The following SLIT3 variants were observed in gnomAD, a reference collection of about 807,000 sequenced individuals.
SLIT3 encodes slit homolog 3 protein.
A neutral mutation model predicts 184.0 loss-of-function variants in SLIT3; 68 were observed. The ratio of observed to expected loss-of-function variants is 0.37; its 90% CI spans 0.30 to 0.45. The LOEUF (loss-of-function observed/expected upper bound fraction) is 0.45, where lower values mean the gene tolerates loss of function less well. SLIT3 is among the 20% of genes least tolerant of loss of function. The probability of loss-of-function intolerance (pLI) is 1.00; values close to 1 mark genes in which losing one functional copy is unlikely to be tolerated. For synonymous variants in SLIT3, 831 were observed against 828.6 expected (o/e 1.00, Z -0.05); for missense variants, 1,707 against 2,026.0 (o/e 0.84, Z 3.02).
chr5:168,903,613 G>A (rs570324103), intron 4 of SLIT3, among the ~76,000 whole-genome samples: 3 of 152,114 alleles, frequency 2.0e-5, no homozygotes, highest in Admixed American at 6.5e-5. Flanking sequence ...GGGGCAGCAG[G>A]GTCTTCAGGA....
intron 35 of SLIT3, 174 bp from the exon 36 acceptor site, chr5:168,666,863 C>G: frequency 2.9e-6 from 3 of 1,042,730 alleles, no homozygotes; most frequent in Non-Finnish European, 4.3e-6. Flanking sequence ...CAAACAGGTG[C>G]CTTTCCTGTA....
chr5:169,179,468 C>A (rs920084303), intron 4 of SLIT3, among the ~76,000 whole-genome samples: 3 of 152,092 alleles, frequency 2.0e-5, no homozygotes, highest in African/African-American at 7.2e-5. Context: ...TTCACTGTAT[C>A]ACAGAATATT....
intron 1 of SLIT3, among the ~76,000 whole-genome samples, chr5:169,271,012 G>T (rs1766588445): frequency 6.6e-6 from 1 of 152,122 alleles, no homozygotes; most frequent in Non-Finnish European, 1.5e-5. Context: ...TGCCAGTATT[G>T]CTGCTCACAC....
At chr5:169,203,709 T>C (rs1423615985) in intron 3 of SLIT3, among the ~76,000 whole-genome samples, 1 of 152,144 alleles carries the variant, frequency 6.6e-6, no homozygotes, top group Non-Finnish European at 1.5e-5. Flanking sequence ...GTAGTCAAAT[T>C]CTATAAATAA....
rs1256123107 is a variant in SLIT3 at position 169,156,971 on chromosome 5, T to G, written c.413+36508A>C. Reference sequence around the variant, plus strand: ...ATATATCTCCAACCTGGCAGCTTAGTAAACAGAAAACTTGAAGACAATAAT... The same window carrying G: ...ATATATCTCCAACCTGGCAGCTTAGGAAACAGAAAACTTGAAGACAATAAT... On this transcript the variant is annotated intron_variant, in intron 4 of 35. Transcript: ENST00000519560. Among the ~76,000 whole-genome samples, 4 of 152,158 alleles carry G rather than the reference T, an allele frequency of 2.6e-5. No homozygotes were observed. In the South Asian group the frequency reaches 6.2e-4, roughly 24 times the overall value.
intron 1 of SLIT3, among the ~76,000 whole-genome samples, chr5:169,294,965 C>T (rs1767457762): frequency 6.6e-6 from 1 of 152,198 alleles, no homozygotes; most frequent in Non-Finnish European, 1.5e-5. Context: ...TACATCTGCA[C>T]AGGGCATTTA....
At position 169,208,810 on chromosome 5, in the gene SLIT3, T is replaced by C. The variant is rs142437544; in HGVS notation, c.342-15260A>G. Among the ~76,000 whole-genome samples the C allele has an allele frequency of 2.5e-3, 385 of 152,266 alleles. 3 individuals are homozygous for C. Among genetic ancestry groups the C allele is most frequent in the African/African-American group, 9.0e-3 (372 of 41,538 alleles). On this transcript the variant is annotated intron_variant, in intron 3 of 35. Transcript: ENST00000519560. ...TGGATTAAAGACTTAAAAATTAAGA[T>C]GGATTAAAGACTTAAGTGTTAGCCC...
At chr5:169,134,758 T>TA (rs1262562710) in intron 4 of SLIT3, among the ~76,000 whole-genome samples, 2 of 152,192 alleles carry the variant, frequency 1.3e-5, no homozygotes, top group Non-Finnish European at 2.9e-5. Context: ...ATACTAATAA[T>TA]AAAAAAAGTA....
intron 1 of SLIT3, among the ~76,000 whole-genome samples, chr5:169,286,615 G>A (rs555597218): frequency 6.6e-6 from 1 of 152,310 alleles, no homozygotes; most frequent in Admixed American, 6.5e-5. Context: ...GTCACATGGT[G>A]TGTCAGAGGT....
intron 4 of SLIT3, among the ~76,000 whole-genome samples, chr5:168,891,071 C>T (rs949672462): frequency 1.3e-5 from 2 of 152,214 alleles, no homozygotes; most frequent in African/African-American, 4.8e-5. Flanking sequence ...CAAGCGAGTG[C>T]TTTCTAAACT....
chr5:169,108,594 G>GA (rs1249783902), intron 4 of SLIT3, among the ~76,000 whole-genome samples: 1 of 152,190 alleles, frequency 6.6e-6, no homozygotes, highest in African/African-American at 2.4e-5. Flanking sequence ...TGTAACCCTT[G>GA]AGGTCTTGAG....
chr5:169,140,137 C>T (rs1224219008), intron 4 of SLIT3, among the ~76,000 whole-genome samples: 1 of 151,688 alleles, frequency 6.6e-6, no homozygotes, highest in African/African-American at 2.4e-5. Context: ...GCAAGTGGCA[C>T]AGGCAGCTGG....
At chr5:168,853,419 C>T (rs1276611023) in intron 5 of SLIT3, among the ~76,000 whole-genome samples, 2 of 152,180 alleles carry the variant, frequency 1.3e-5, no homozygotes, top group East Asian at 1.9e-4. Flanking sequence ...AGTCAAATGC[C>T]GCACCATCTA....
chr5:168,911,663 C>T (rs958330620), intron 4 of SLIT3, among the ~76,000 whole-genome samples: 35 of 152,238 alleles, frequency 2.3e-4, no homozygotes, highest in African/African-American at 6.3e-4. Flanking sequence ...GGAAGGTTTA[C>T]GATTAGATGG....
At chr5:168,712,416 A>G (rs991547589) in intron 23 of SLIT3, 62 bp from the exon 24 acceptor site, 50 of 1,449,344 alleles carry the variant, frequency 3.4e-5, no homozygotes, top group Non-Finnish European at 4.8e-5. Flanking sequence ...GCATATTCTC[A>G]GGGCCTCCAG....
chr5:168,988,734 G>C (rs1466005607), intron 4 of SLIT3, among the ~76,000 whole-genome samples: 1 of 152,136 alleles, frequency 6.6e-6, no homozygotes, highest in African/African-American at 2.4e-5. Flanking sequence ...AATCTTCACG[G>C]ATCTCACTTT....
intron 23 of SLIT3, among the ~76,000 whole-genome samples, chr5:168,719,077 T>A (rs1208633452): frequency 6.6e-6 from 1 of 152,216 alleles, no homozygotes; most frequent in African/African-American, 2.4e-5. Flanking sequence ...TGAAACAAGG[T>A]CTTGCTCTGT....
chr5:168,879,008 C>T (rs994449261), intron 5 of SLIT3, among the ~76,000 whole-genome samples: 2 of 152,222 alleles, frequency 1.3e-5, no homozygotes, highest in Non-Finnish European at 2.9e-5. Flanking sequence ...AGCCACCACA[C>T]CTGGCCACAG....
chr5:169,033,553 C>T (rs529032525), intron 4 of SLIT3, among the ~76,000 whole-genome samples: 31 of 152,218 alleles, frequency 2.0e-4, no homozygotes, highest in Non-Finnish European at 2.9e-4. Flanking sequence ...ATCTACATTC[C>T]CAGCAACAAT....
Sources: allele counts gnomAD v4.1 joint callset (sites outside exome capture counted in the v4.1 genomes callset), GRCh38; gene constraint gnomAD v4.1.1; transcripts MANE v1.5; gene names NCBI Gene and HGNC (gene_info 2026-07-23, HGNC 2026-07-21).